Variants in PRELID2 observed in about 807,000 individuals in gnomAD.
PRELID2 encodes the protein PRELI domain-containing protein 2.
PRELID2 carries 25 observed loss-of-function variants against 28.4 expected under a neutral mutation model. The observed-to-expected ratio is 0.88, with a 90% CI of 0.64 to 1.23. The LOEUF (loss-of-function observed/expected upper bound fraction) is 1.23, where lower values mean the gene tolerates loss of function less well. Ranked by LOEUF, PRELID2 falls within the 50% of genes most tolerant of loss-of-function variation. The pLI is 0.00. For missense variants in PRELID2, 201 were observed against 214.4 expected (o/e 0.94, Z 0.39); for synonymous variants, 76 against 71.6 (o/e 1.06, Z -0.31).
At chr5:145,498,296 C>A (rs1350140765) in intron 1 of PRELID2, among the ~76,000 whole-genome samples, 1 of 152,038 alleles carries the variant, frequency 6.6e-6, no homozygotes, top group Admixed American at 6.6e-5. Flanking sequence ...ATTTGTACAG[C>A]AAGAAAGGGC....
chr5:145,256,159 C>T, the PRELID2 span, among the ~76,000 whole-genome samples: 1 of 151,878 alleles, frequency 6.6e-6, no homozygotes, highest in South Asian at 2.1e-4. Flanking sequence ...AATTTTCTTG[C>T]CGTATCAGCT....
chr5:145,386,320 A>T, the PRELID2 span, among the ~76,000 whole-genome samples: 1 of 152,180 alleles, frequency 6.6e-6, no homozygotes, highest in East Asian at 1.9e-4. Flanking sequence ...CCCTCCCATG[A>T]CACAGGTGGA....
intron 5 of PRELID2, among the ~76,000 whole-genome samples, chr5:145,770,962 GT>G (rs1254155957): frequency 2.0e-5 from 3 of 151,990 alleles, no homozygotes; most frequent in African/African-American, 7.3e-5. Context: ...TATAAATGTA[GT>G]GTAGCCTAAG....
the PRELID2 span, among the ~76,000 whole-genome samples, chr5:145,339,669 A>G: frequency 3.3e-5 from 5 of 152,168 alleles, no homozygotes; most frequent in Admixed American, 6.5e-5. Context: ...ACTCTGAGAA[A>G]AAATCCCACT....
chr5:145,244,521 T>C, the PRELID2 span, among the ~76,000 whole-genome samples: 51 of 152,044 alleles, frequency 3.4e-4, 1 homozygote, highest in Admixed American at 2.9e-3. Flanking sequence ...GAAAGGCTGT[T>C]ATGAGACCAT....
chr5:145,483,325 C>T (rs989330671), intron 1 of PRELID2, among the ~76,000 whole-genome samples: 1 of 152,146 alleles, frequency 6.6e-6, no homozygotes, highest in African/African-American at 2.4e-5. Context: ...TTTCTACTAG[C>T]TGTTTTGGAT....
chr5:145,538,510 C>T (rs1346924402), intron 1 of PRELID2, among the ~76,000 whole-genome samples: 2 of 151,926 alleles, frequency 1.3e-5, no homozygotes, highest in Non-Finnish European at 2.9e-5. Context: ...TGGCAAGTGG[C>T]TATGGCAGAT....
chr5:145,337,151 TAAGA>T, the PRELID2 span, among the ~76,000 whole-genome samples: 1 of 151,352 alleles, frequency 6.6e-6, no homozygotes, highest in African/African-American at 2.4e-5. Context: ...CATAACACCT[TAAGA>T]AACTAAAAAA....
At chr5:145,269,035 A>T in the PRELID2 span, among the ~76,000 whole-genome samples, 1 of 152,126 alleles carries the variant, frequency 6.6e-6, no homozygotes, top group Non-Finnish European at 1.5e-5. Context: ...TTAAGAGCCT[A>T]AATAAATAGA....
At chr5:145,240,559 C>A in the PRELID2 span, among the ~76,000 whole-genome samples, 1 of 152,036 alleles carries the variant, frequency 6.6e-6, no homozygotes, top group South Asian at 2.1e-4. Flanking sequence ...TGAAACTATA[C>A]TTATTATCAG....
intron 1 of PRELID2, among the ~76,000 whole-genome samples, chr5:145,507,099 A>C (rs1752419085): frequency 6.6e-6 from 1 of 152,194 alleles, no homozygotes; most frequent in South Asian, 2.1e-4. Context: ...AATCCTTATA[A>C]GATAAATACA....
chr5:145,674,168 T>G (rs1242055755), intron 1 of PRELID2, among the ~76,000 whole-genome samples: 3 of 152,218 alleles, frequency 2.0e-5, no homozygotes, highest in Admixed American at 6.5e-5. Context: ...GTTTTGGTAT[T>G]TTTTTATTAT....
the PRELID2 span, among the ~76,000 whole-genome samples, chr5:145,363,040 T>G: frequency 7.1e-6 from 1 of 140,766 alleles, no homozygotes; most frequent in African/African-American, 2.7e-5. Context: ...TTCTCCACCA[T>G]AGAGATTAAT....
intron 4 of PRELID2, among the ~76,000 whole-genome samples, chr5:145,816,243 C>T (rs1380241388): frequency 6.6e-6 from 1 of 151,610 alleles, no homozygotes; most frequent in African/African-American, 2.4e-5. Flanking sequence ...CCACCACACC[C>T]GGCTAATTGT....
chr5:145,256,053 G>A, the PRELID2 span, among the ~76,000 whole-genome samples: 7 of 151,784 alleles, frequency 4.6e-5, no homozygotes, highest in Non-Finnish European at 7.4e-5. Context: ...CAACTTACCC[G>A]ACAATCATGG....
chr5:145,333,099 G>C, the PRELID2 span, among the ~76,000 whole-genome samples: 1 of 152,208 alleles, frequency 6.6e-6, no homozygotes, highest in Non-Finnish European at 1.5e-5. Flanking sequence ...ACCAGCAGGG[G>C]CTGCAGAACA....
At chr5:145,832,003 A>T (rs987886953) in intron 1 of PRELID2, among the ~76,000 whole-genome samples, 7 of 152,198 alleles carry the variant, frequency 4.6e-5, no homozygotes, top group African/African-American at 1.7e-4. Context: ...TTAAGTCGCT[A>T]CGTTTTGGAG....
At chr5:145,561,861 G>A (rs1752928278) in intron 1 of PRELID2, among the ~76,000 whole-genome samples, 1 of 152,194 alleles carries the variant, frequency 6.6e-6, no homozygotes, top group Admixed American at 6.5e-5. Flanking sequence ...TCAAAAAAAA[G>A]TATAAGTCTC....
At chr5:145,244,972 G>T in the PRELID2 span, among the ~76,000 whole-genome samples, 1 of 152,014 alleles carries the variant, frequency 6.6e-6, no homozygotes, top group Non-Finnish European at 1.5e-5. Context: ...CATTTCCAAA[G>T]TATTCAAAGC....
Sources: gnomAD v4.1 joint callset for allele counts (sites outside exome capture counted in the v4.1 genomes callset) on GRCh38, gnomAD v4.1.1 for gene constraint, MANE v1.5 for transcripts, NCBI Gene and HGNC (gene_info 2026-07-23, HGNC 2026-07-21) for gene names.